The following MIS18A variants were observed in gnomAD, a reference collection of about 807,000 sequenced individuals.
The protein encoded by MIS18A is MIS18 kinetochore protein A.
A neutral mutation model predicts 25.0 loss-of-function variants in MIS18A; 14 were observed. That is an observed-to-expected ratio of 0.56 (90% CI 0.37 to 0.88). MIS18A has a LOEUF of 0.88. MIS18A is among the 40% of genes least tolerant of loss of function. The pLI, the probability that MIS18A is intolerant of heterozygous loss-of-function variation, is 0.00. For synonymous variants in MIS18A, 134 were observed against 118.6 expected, an observed-to-expected ratio of 1.13 and a Z score of -0.84; for missense variants, 292 against 290.8, an observed-to-expected ratio of 1.00 and a Z score of -0.03.
the MIS18A span, among the ~76,000 whole-genome samples, chr21:32,256,938 T>G: frequency 1.3e-5 from 2 of 152,304 alleles, no homozygotes; most frequent in African/African-American, 4.8e-5. Flanking sequence ...AACGAAAGTC[T>G]GCTCATTCAC....
the MIS18A span, among the ~76,000 whole-genome samples, chr21:32,196,858 T>C: frequency 6.6e-6 from 1 of 152,184 alleles, no homozygotes; most frequent in Non-Finnish European, 1.5e-5. Flanking sequence ...GGTAGATTGA[T>C]AGAAAGATAG....
At chr21:32,278,363 T>G in intron 1 of MIS18A, 5 of 362,170 alleles carry the variant, frequency 1.4e-5, no homozygotes, top group Non-Finnish European at 1.5e-5. Flanking sequence ...AGTTGACCAT[T>G]TGTTTCTCTT....
the MIS18A span, among the ~76,000 whole-genome samples, chr21:32,221,749 T>C: frequency 1.4e-5 from 2 of 145,380 alleles, no homozygotes; most frequent in African/African-American, 5.1e-5. Flanking sequence ...AAAGATTAGC[T>C]AGATGTGGTG....
At chr21:32,209,596 G>A in the MIS18A span, among the ~76,000 whole-genome samples, 4 of 152,304 alleles carry the variant, frequency 2.6e-5, no homozygotes, top group East Asian at 7.7e-4. Flanking sequence ...TAAAGAAATT[G>A]ATATGGTTTT....
chr21:32,194,793 G>A, the MIS18A span, among the ~76,000 whole-genome samples: 22 of 152,062 alleles, frequency 1.4e-4, no homozygotes, highest in Non-Finnish European at 2.6e-4. Flanking sequence ...CTCAGAAACA[G>A]AAAGCCAAAA....
At chr21:32,175,737 G>C in the MIS18A span, among the ~76,000 whole-genome samples, 1 of 151,502 alleles carries the variant, frequency 6.6e-6, no homozygotes, top group Non-Finnish European at 1.5e-5. Flanking sequence ...TTGAACCTGG[G>C]AGATGGAGGT....
chr21:32,190,740 C>T, the MIS18A span, among the ~76,000 whole-genome samples: 1 of 152,158 alleles, frequency 6.6e-6, no homozygotes, highest in African/African-American at 2.4e-5. Flanking sequence ...TGTGGCCTCA[C>T]TGCATGTGGG....
chr21:32,176,013 T>G, the MIS18A span, among the ~76,000 whole-genome samples: 3 of 152,194 alleles, frequency 2.0e-5, no homozygotes, highest in Non-Finnish European at 4.4e-5. Flanking sequence ...GCCTCCACAT[T>G]TCACCCCACT....
chr21:32,210,336 TTAA>T, the MIS18A span, among the ~76,000 whole-genome samples: 1 of 152,216 alleles, frequency 6.6e-6, no homozygotes, highest in Non-Finnish European at 1.5e-5. Flanking sequence ...GTTGTCATTA[TTAA>T]TAATACTATT....
chr21:32,159,167 C>A, the MIS18A span, among the ~76,000 whole-genome samples: 1 of 152,082 alleles, frequency 6.6e-6, no homozygotes, highest in Non-Finnish European at 1.5e-5. Context: ...TTGGAAATTA[C>A]CCAGATACTT....
the MIS18A span, among the ~76,000 whole-genome samples, chr21:32,228,030 G>T: frequency 6.6e-6 from 1 of 152,082 alleles, no homozygotes; most frequent in Non-Finnish European, 1.5e-5. Flanking sequence ...TAATAGAAGG[G>T]AATTTCCTCA....
chr21:32,191,239 G>A, the MIS18A span, among the ~76,000 whole-genome samples: 3 of 152,170 alleles, frequency 2.0e-5, no homozygotes, highest in Non-Finnish European at 4.4e-5. Flanking sequence ...CTCTATGAAA[G>A]CACAGAAATT....
the MIS18A span, among the ~76,000 whole-genome samples, chr21:32,165,997 T>C: frequency 6.6e-6 from 1 of 152,192 alleles, no homozygotes; most frequent in South Asian, 2.1e-4. Flanking sequence ...AACCCCATCT[T>C]GGTCATCCCT....
At chr21:32,210,685 G>C in the MIS18A span, among the ~76,000 whole-genome samples, 1 of 152,146 alleles carries the variant, frequency 6.6e-6, no homozygotes, top group East Asian at 1.9e-4. Flanking sequence ...CTGACAACTC[G>C]GGGCGTTAAC....
chr21:32,202,076 C>T, the MIS18A span, among the ~76,000 whole-genome samples: 1 of 151,986 alleles, frequency 6.6e-6, no homozygotes, highest in Non-Finnish European at 1.5e-5. Flanking sequence ...ATCACTTGAA[C>T]CTAGGAGTTT....
the MIS18A span, among the ~76,000 whole-genome samples, chr21:32,256,500 G>A: frequency 2.0e-5 from 3 of 152,166 alleles, no homozygotes; most frequent in Non-Finnish European, 2.9e-5. Context: ...ACGGTGACAC[G>A]TGTGCTGGTT....
At chr21:32,258,949 C>T in the MIS18A span, among the ~76,000 whole-genome samples, 7 of 152,060 alleles carry the variant, frequency 4.6e-5, no homozygotes, top group Non-Finnish European at 7.3e-5. Context: ...TAACAGCTCA[C>T]TGCAGCCTCG....
At chr21:32,172,379 T>C in the MIS18A span, among the ~76,000 whole-genome samples, 93 of 152,212 alleles carry the variant, frequency 6.1e-4, no homozygotes, top group Non-Finnish European at 1.0e-3. Flanking sequence ...AGCCAAGATA[T>C]GGTAACATCC....
chr21:32,215,687 A>G, the MIS18A span, among the ~76,000 whole-genome samples: 59 of 152,222 alleles, frequency 3.9e-4, no homozygotes, highest in African/African-American at 1.4e-3. Flanking sequence ...TTGCCCTCTT[A>G]CTCATAATTT....
Sources: gnomAD v4.1 joint callset for allele counts (sites outside exome capture counted in the v4.1 genomes callset) on GRCh38, gnomAD v4.1.1 for gene constraint, MANE v1.5 for transcripts, NCBI Gene and HGNC (gene_info 2026-07-23, HGNC 2026-07-21) for gene names.